PLB1: variants seen among roughly 807,000 people sequenced by gnomAD.
PLB1 encodes phospholipase B1, membrane-associated.
In PLB1, 242 loss-of-function variants were observed where a neutral mutation model predicts 227.4. That is an observed-to-expected ratio of 1.06 (90% confidence interval 0.96 to 1.18). The LOEUF is 1.18. Among genes scored for constraint, PLB1 ranks in the 50% most tolerant of loss-of-function variants. The pLI is 0.00. For synonymous variants in PLB1, 757 were observed against 682.2 expected, an observed-to-expected ratio of 1.11 and a Z score of -1.71; for missense variants, 1,858 against 1,816.3, an observed-to-expected ratio of 1.02 and a Z score of -0.42.
chr2:28,534,275 T>C (rs1359864635), intron 9 of PLB1, among the ~76,000 whole-genome samples: 1 of 152,226 alleles, frequency 6.6e-6, no homozygotes. Context: ...TTATAAACAA[T>C]GCTACAATGA....
chr2:28,632,056 C>T lies in PLB1; in HGVS notation c.3918C>T (p.Ser1306=), dbSNP rs1057099922. 1 of 1,613,942 alleles carries T rather than the reference C, an allele frequency of 6.2e-7. No individual in the cohort carries two copies. The highest frequency in any genetic ancestry group is 1.3e-5 in the African/African-American group (1 of 74,902). ...WNLQHGISSF[S]YWHQYTQRED... ...CCCAGCATGGCATCTCCAGTTTCTCCTACTGGCACCAATACACACAGCGTG... is the reference window on the plus strand; with the variant it reads ...CCCAGCATGGCATCTCCAGTTTCTCTTACTGGCACCAATACACACAGCGTG... Residue 1306 remains serine, a synonymous_variant, in exon 55 of 58, where the codon TCC becomes TCT. Transcript: ENST00000327757.
intron 49 of PLB1, among the ~76,000 whole-genome samples, chr2:28,622,239 C>G (rs910662406): frequency 3.3e-5 from 5 of 152,208 alleles, no homozygotes; most frequent in African/African-American, 1.2e-4. Context: ...CACCTAATAT[C>G]ATAGGGTGTG....
At chr2:28,565,243 A>G in intron 18 of PLB1, 37 bp from the exon 19 acceptor site, 1 of 1,574,776 alleles carries the variant, frequency 6.4e-7, no homozygotes, top group Non-Finnish European at 8.7e-7. Flanking sequence ...CCACTGGGGA[A>G]AGCAGAGAAA....
chr2:28,505,083 GCT>G (rs1165980391), intron 1 of PLB1, among the ~76,000 whole-genome samples: 1 of 152,134 alleles, frequency 6.6e-6, no homozygotes, highest in Non-Finnish European at 1.5e-5. Context: ...GAAAAACCAG[GCT>G]CTATGATAAG....
intron 26 of PLB1, among the ~76,000 whole-genome samples, chr2:28,588,993 G>A (rs948111292): frequency 6.6e-5 from 10 of 151,850 alleles, no homozygotes; most frequent in African/African-American, 1.9e-4. Context: ...GTGAAACCCC[G>A]TCTCTGCTAA....
intron 25 of PLB1, among the ~76,000 whole-genome samples, chr2:28,583,093 G>A (rs761875833): frequency 4.6e-5 from 7 of 152,136 alleles, no homozygotes; most frequent in Non-Finnish European, 7.4e-5. Context: ...TCACCCCTCA[G>A]CCTCCAGAGC....
At chr2:28,573,456 G>T (rs1678367807) in intron 21 of PLB1, 151 bp downstream of exon 21, 2 of 637,556 alleles carry the variant, frequency 3.1e-6, no homozygotes, top group African/African-American at 1.8e-5. Context: ...TCTCTTGGAG[G>T]TGTCACAGAA....
intron 17 of PLB1, among the ~76,000 whole-genome samples, chr2:28,562,540 C>CAAGAAAAAAAAAAA (rs1676216683): frequency 2.3e-5 from 1 of 42,606 alleles, no homozygotes; most frequent in African/African-American, 1.1e-4. Flanking sequence ...GACTCTGTCT[C>CAAGAAAAAAAAAAA]AAAAAAAAAA....
chr2:28,582,656 A>G (rs900849972), intron 25 of PLB1, 151 bp downstream of exon 25: 11 of 649,412 alleles, frequency 1.7e-5, no homozygotes, highest in Non-Finnish European at 2.6e-5. Flanking sequence ...TAAGGGGAGG[A>G]TATCCTAGGA....
At chr2:28,523,341 T>G (rs1294908932) in intron 4 of PLB1, among the ~76,000 whole-genome samples, 3 of 149,724 alleles carry the variant, frequency 2.0e-5, no homozygotes, top group South Asian at 2.1e-4. Flanking sequence ...CGAGGTTTTT[T>G]TTTTTTTTTT....
chr2:28,549,098 T>C (rs904646961), intron 15 of PLB1, among the ~76,000 whole-genome samples, 167 bp downstream of exon 15: 1 of 152,162 alleles, frequency 6.6e-6, no homozygotes, highest in African/African-American at 2.4e-5. Context: ...ATGTTTACAG[T>C]TGTGGGCCAT....
chr2:28,585,597 G>A (rs13393824), intron 25 of PLB1, 164 bp from the exon 26 acceptor site: 159,673 of 615,000 alleles, frequency 0.26, 22,248 homozygotes, highest in East Asian at 0.4. Flanking sequence ...CTTTAGCTTC[G>A]TTTGGTATGG....
chr2:28,632,608 G>A (rs1214564124), intron 55 of PLB1, among the ~76,000 whole-genome samples: 1 of 152,040 alleles, frequency 6.6e-6, no homozygotes, highest in African/African-American at 2.4e-5. Context: ...CCAACATGGT[G>A]AAACCCCGTT....
intron 1 of PLB1, among the ~76,000 whole-genome samples, chr2:28,505,772 T>C (rs1392752120): frequency 6.6e-6 from 1 of 152,166 alleles, no homozygotes; most frequent in African/African-American, 2.4e-5. Context: ...AAAGGGATAT[T>C]TGAGAACTTT....
At chr2:28,589,860 A>G in intron 28 of PLB1, 90 bp downstream of exon 28, 1 of 1,401,376 alleles carries the variant, frequency 7.1e-7, no homozygotes, top group Non-Finnish European at 1.0e-6. Context: ...CCCATCGTGC[A>G]GGCCATGTGA....
chr2:28,593,783 G>T (rs745866006), intron 33 of PLB1, 29 bp downstream of exon 33: 30 of 1,587,512 alleles, frequency 1.9e-5, no homozygotes, highest in Non-Finnish European at 2.2e-5. Context: ...CTCTCCCAGC[G>T]TTCCCCCCAC....
intron 14 of PLB1, among the ~76,000 whole-genome samples, chr2:28,543,860 C>T (rs1553416258): frequency 6.6e-6 from 1 of 152,180 alleles, no homozygotes; most frequent in Non-Finnish European, 1.5e-5. Flanking sequence ...TTTACTGTAA[C>T]TGTAACAGGA....
chr2:28,520,775 C>A (rs1199342213), intron 4 of PLB1, among the ~76,000 whole-genome samples: 1 of 152,038 alleles, frequency 6.6e-6, no homozygotes, highest in African/African-American at 2.4e-5. Context: ...GAGTTTGGGA[C>A]CAGCCTGTCC....
At chr2:28,496,950 C>T (rs1247864203) in intron 1 of PLB1, among the ~76,000 whole-genome samples, 1 of 152,222 alleles carries the variant, frequency 6.6e-6, no homozygotes, top group African/African-American at 2.4e-5. Flanking sequence ...GGACAGAGTC[C>T]TGGGCCTGCC....
Sources: gnomAD v4.1 joint callset for allele counts (sites outside exome capture counted in the v4.1 genomes callset) on GRCh38, gnomAD v4.1.1 for gene constraint, MANE v1.5 for transcripts, NCBI Gene and HGNC (gene_info 2026-07-23, HGNC 2026-07-21) for gene names.